GFM1: variants seen among roughly 807,000 people sequenced by gnomAD.
GFM1 encodes the protein G elongation factor mitochondrial 1, also known as elongation factor G, mitochondrial.
A neutral mutation model predicts 96.2 loss-of-function variants in GFM1; 62 were observed. The ratio of observed to expected loss-of-function variants is 0.64; its 90% CI spans 0.53 to 0.80. The LOEUF is 0.80. GFM1 is among the 30% of genes least tolerant of loss of function. The pLI, the probability that GFM1 is intolerant of heterozygous loss-of-function variation, is 0.00. For missense variants in GFM1, 852 were observed against 916.6 expected, an observed-to-expected ratio of 0.93 and a Z score of 0.91; for synonymous variants, 282 against 312.9, an observed-to-expected ratio of 0.90 and a Z score of 1.04.
At chr3:158,681,359 A>T (rs1275172442) in intron 13 of GFM1, among the ~76,000 whole-genome samples, 1 of 152,190 alleles carries the variant, frequency 6.6e-6, no homozygotes. Context: ...TATATATGTA[A>T]AGTGCTTATT....
chr3:158,679,964 A>G (rs937328166), intron 13 of GFM1, among the ~76,000 whole-genome samples: 2 of 152,208 alleles, frequency 1.3e-5, no homozygotes, highest in African/African-American at 4.8e-5. Flanking sequence ...AAAAGTACAC[A>G]TACCAATTTA....
intron 15 of GFM1, chr3:158,685,016 C>T (rs958483385): frequency 1.1e-5 from 2 of 189,180 alleles, no homozygotes; most frequent in Non-Finnish European, 2.2e-5. Flanking sequence ...TTTCTAGTGA[C>T]TTATTGAAAT....
At chr3:158,655,876 A>G (rs1290640607) in intron 8 of GFM1, 9 of 457,246 alleles carry the variant, frequency 2.0e-5, no homozygotes, top group Non-Finnish European at 4.0e-5. Flanking sequence ...GGACCACGTT[A>G]TATTTGATTG....
At chr3:158,689,947 A>G (rs1341647751) in intron 15 of GFM1, among the ~76,000 whole-genome samples, 1 of 152,304 alleles carries the variant, frequency 6.6e-6, no homozygotes, top group East Asian at 1.9e-4. Context: ...AAAATATGAT[A>G]ATGGAAATAC....
chr3:158,649,132 GC>G lies in GFM1; in HGVS notation c.666del (p.Ile223SerfsTer20). 6.7e-7 allele frequency: 1 copy of G among 1,483,896 alleles called. No individual in the cohort carries two copies. The highest frequency in any genetic ancestry group is 1.4e-5 in the African/African-American group (1 of 71,758). 91.9% of individuals were successfully genotyped at this position (1,483,896 alleles called of 1,614,324 possible). A position where few individuals can be genotyped will look rare whatever the true frequency, so the allele number is the denominator to read the frequency against. ...KGIVDLIEER[A>X]IYFDGDFGQI... ...TATTGTAGATCTTATTGAGGAACGA[GC>G]CATCTATTTTGATGGAGACTTTGGG... On this transcript the variant is annotated frameshift_variant, in exon 5 of 18. Transcript: ENST00000486715. LOFTEE classifies it high-confidence loss of function.
At chr3:158,684,248 G>A (rs899144903) in intron 14 of GFM1, among the ~76,000 whole-genome samples, 1 of 151,904 alleles carries the variant, frequency 6.6e-6, no homozygotes, top group African/African-American at 2.4e-5. Flanking sequence ...TAACTAATGG[G>A]TACCAGGCTT....
intron 13 of GFM1, among the ~76,000 whole-genome samples, chr3:158,680,209 T>C (rs574040643): frequency 6.2e-4 from 95 of 152,308 alleles, no homozygotes; most frequent in African/African-American, 2.2e-3. Context: ...TATGGATATA[T>C]TGGGTAGTGG....
rs1170060180 is a variant in GFM1, at chr3:158,682,173, A to G, written c.1764+16A>G. ...TGTAGAAAAGGTAAATTTTTAAAAAAGTGTTTTTGCATTTTTACTTACTAA... is the reference window on the plus strand; with the variant it reads ...TGTAGAAAAGGTAAATTTTTAAAAAGGTGTTTTTGCATTTTTACTTACTAA... On this transcript the variant is annotated intron_variant, in intron 14 of 17. Coordinates refer to ENST00000486715, the MANE Select transcript of GFM1 (RefSeq NM_024996.7). The G allele has an allele frequency of 6.2e-7, 1 of 1,604,988 alleles. No homozygotes were observed. Among genetic ancestry groups the G allele is most frequent in the African/African-American group, 1.3e-5 (1 of 74,746 alleles).
At chr3:158,649,206 A>T (rs750295404) in intron 5 of GFM1, 49 bp downstream of exon 5, 4 of 800,548 alleles carry the variant, frequency 5.0e-6, no homozygotes, top group African/African-American at 1.7e-5. Context: ...AAAAAGCATT[A>T]AAAAGAAGGA....
chr3:158,674,669 G>GT (rs1724716160), intron 13 of GFM1, among the ~76,000 whole-genome samples: 1 of 152,046 alleles, frequency 6.6e-6, no homozygotes, highest in South Asian at 2.1e-4. Flanking sequence ...ATACTTCAAG[G>GT]TTTTTTATTA....
At chr3:158,684,729 A>C (rs1725689878) in intron 15 of GFM1, 61 bp downstream of exon 15, 1 of 1,559,856 alleles carries the variant, frequency 6.4e-7, no homozygotes, top group African/African-American at 1.4e-5. Context: ...ATAGCCTCAG[A>C]AGGCAACACT....
At chr3:158,661,085 A>G (rs879231596) in intron 10 of GFM1, 110 bp downstream of exon 10, 2 of 812,138 alleles carry the variant, frequency 2.5e-6, no homozygotes, top group South Asian at 1.4e-5. Context: ...TTCGTTGAGT[A>G]CCACAGTCAT....
Position 158,666,217 on chromosome 3 carries a change from A to G in GFM1, c.1519-87A>G. 4 of 859,298 alleles carry G rather than the reference A, an allele frequency of 4.7e-6. No homozygotes were observed. In the South Asian group the frequency reaches 5.8e-5, roughly 13 times the overall value. The allele number at this position is 859,298 out of a possible 1,614,324, so 53.2% of individuals were successfully genotyped here. A position where few individuals can be genotyped will look rare whatever the true frequency, so the allele number is the denominator to read the frequency against. On this transcript the variant is annotated intron_variant, in intron 12 of 17. Transcript: ENST00000486715. ...TTGTTTATCTATTATATTTAAGTGA[A>G]TGCTACTAAGATATATAAGATGCTT... is the stretch of plus-strand genomic sequence containing the variant.
At chr3:158,670,855 G>A (rs907125253) in intron 13 of GFM1, 2 of 1,298,730 alleles carry the variant, frequency 1.5e-6, no homozygotes, top group South Asian at 1.9e-5. Context: ...GATGGCCTGA[G>A]CCCGGGAAGT....
intron 15 of GFM1, among the ~76,000 whole-genome samples, chr3:158,689,595 C>T (rs13318929): frequency 0.031 from 4,778 of 151,920 alleles, 227 homozygotes; most frequent in African/African-American, 0.11. Context: ...GCCAACATGT[C>T]GAAAGCCTGT....
chr3:158,648,586 G>C (rs995938409), intron 4 of GFM1, among the ~76,000 whole-genome samples: 4 of 151,086 alleles, frequency 2.6e-5, no homozygotes, highest in African/African-American at 9.7e-5. Context: ...GCTGAGGCAG[G>C]AGAATTGCTT....
chr3:158,658,922 G>A lies in GFM1; in HGVS notation c.1084G>A (p.Val362Ile), dbSNP rs1722974264. 3 of 1,614,066 alleles carry A rather than the reference G, an allele frequency of 1.9e-6. No homozygotes were observed. The highest frequency in any genetic ancestry group is 2.5e-6 in the Non-Finnish European group (3 of 1,179,984). Residue 362 changes from valine (V) to isoleucine (I), a missense_variant and splice_region_variant, in exon 9 of 18, where the codon GTA becomes ATA. Val to Ile is a conservative substitution (Grantham distance 29). Transcript: ENST00000486715. ...GCCCTTACCCAATCTTGACTTCTAG[G>A]TAGGTCGATTTGGACAATTAACTTA... ...PFVGLAFKLE[V>I]GRFGQLTYVR...
intron 9 of GFM1, among the ~76,000 whole-genome samples, chr3:158,659,806 G>T (rs1285642785): frequency 6.6e-6 from 1 of 152,068 alleles, no homozygotes; most frequent in African/African-American, 2.4e-5. Context: ...CATAACTTTT[G>T]TTTCTTCTAG....
chr3:158,645,353 A>C (rs995723759), intron 1 of GFM1, among the ~76,000 whole-genome samples: 2 of 152,194 alleles, frequency 1.3e-5, no homozygotes, highest in African/African-American at 2.4e-5. Context: ...CCCAGTGTGT[A>C]TTTTCAAATC....
Sources: gnomAD v4.1 joint callset for allele counts (sites outside exome capture counted in the v4.1 genomes callset) on GRCh38, gnomAD v4.1.1 for gene constraint, MANE v1.5 for transcripts, NCBI Gene and HGNC (gene_info 2026-07-23, HGNC 2026-07-21) for gene names.